Variants in EHBP1 observed in about 807,000 individuals in gnomAD.
EHBP1 encodes EH domain binding protein 1.
Under a neutral mutation model 144.0 loss-of-function variants are expected in EHBP1, and 55 were observed. That is an observed-to-expected ratio of 0.38 (90% CI 0.31 to 0.48). The LOEUF (loss-of-function observed/expected upper bound fraction) is 0.48, where lower values mean the gene tolerates loss of function less well. Among genes scored for constraint, EHBP1 ranks in the 20% least tolerant of loss-of-function variants. EHBP1 has a pLI of 0.98. For missense variants in EHBP1, 1,200 were observed against 1,364.2 expected, an observed-to-expected ratio of 0.88 and a Z score of 1.90; for synonymous variants, 469 against 472.7, an observed-to-expected ratio of 0.99 and a Z score of 0.10.
chr2:62,775,420 C>A (rs2041989146), intron 5 of EHBP1, among the ~76,000 whole-genome samples: 1 of 152,126 alleles, frequency 6.6e-6, no homozygotes, highest in East Asian at 1.9e-4. Flanking sequence ...TGTAAAACCT[C>A]GGTTTTGTTA....
intron 7 of EHBP1, among the ~76,000 whole-genome samples, chr2:62,856,171 A>G (rs1441868972): frequency 6.6e-6 from 1 of 152,202 alleles, no homozygotes; most frequent in Non-Finnish European, 1.5e-5. Flanking sequence ...GCCCCATTGA[A>G]TGGCAGGGTT....
At chr2:62,782,228 G>A (rs79745029) in intron 5 of EHBP1, among the ~76,000 whole-genome samples, 25 of 152,332 alleles carry the variant, frequency 1.6e-4, no homozygotes, top group African/African-American at 4.3e-4. Flanking sequence ...AGGGATACGC[G>A]TGTGAGACAA....
intron 7 of EHBP1, among the ~76,000 whole-genome samples, chr2:62,838,465 G>A (rs1218436353): frequency 2.0e-5 from 3 of 152,018 alleles, no homozygotes; most frequent in South Asian, 2.1e-4. Flanking sequence ...TCAAAAGCTA[G>A]CAGAAGGCAA....
intron 1 of EHBP1, among the ~76,000 whole-genome samples, chr2:62,692,902 G>A (rs2033955582): frequency 6.6e-6 from 1 of 151,876 alleles, no homozygotes; most frequent in Non-Finnish European, 1.5e-5. Flanking sequence ...TTTAATGGGT[G>A]TAAAAAATTA....
intron 2 of EHBP1, among the ~76,000 whole-genome samples, chr2:62,722,167 T>TTGCC (rs1429106669): frequency 1.3e-5 from 2 of 152,088 alleles, no homozygotes; most frequent in East Asian, 1.9e-4. Context: ...TCTCACTCTA[T>TTGCC]TGCCCATGCT....
intron 19 of EHBP1, among the ~76,000 whole-genome samples, chr2:63,025,769 A>C (rs777392754): frequency 3.3e-5 from 5 of 152,208 alleles, no homozygotes; most frequent in African/African-American, 4.8e-5. Context: ...TAAGTTGAGA[A>C]GAAATATGAA....
chr2:63,034,677 A>C (rs1437615684), intron 19 of EHBP1, among the ~76,000 whole-genome samples: 1 of 151,948 alleles, frequency 6.6e-6, no homozygotes, highest in Non-Finnish European at 1.5e-5. Flanking sequence ...AAGTAATTAA[A>C]TCAATCCTTT....
intron 5 of EHBP1, among the ~76,000 whole-genome samples, chr2:62,808,941 T>C (rs2044722336): frequency 6.6e-6 from 1 of 152,180 alleles, no homozygotes; most frequent in Admixed American, 6.5e-5. Context: ...TAGACTCTGA[T>C]AAAACCCCAG....
At chr2:62,863,676 CA>C (rs1335991158) in intron 8 of EHBP1, among the ~76,000 whole-genome samples, 1 of 151,870 alleles carries the variant, frequency 6.6e-6, no homozygotes, top group Non-Finnish European at 1.5e-5. Context: ...TTTGAGAAAA[CA>C]AGTTCAGTGG....
At chr2:62,705,045 G>A (rs1384071447), upstream of EHBP1, among the ~76,000 whole-genome samples, 1 of 152,174 alleles carries the variant, frequency 6.6e-6, no homozygotes, top group Non-Finnish European at 1.5e-5. Flanking sequence ...TTTGTGTCTA[G>A]CTCAGCTGAT....
intron 8 of EHBP1, among the ~76,000 whole-genome samples, chr2:62,860,222 G>T (rs1047839693): frequency 6.6e-6 from 1 of 152,180 alleles, no homozygotes; most frequent in Non-Finnish European, 1.5e-5. Flanking sequence ...GGGCACGGTG[G>T]CTCACGCCTG....
At chr2:62,841,456 A>G (rs1391012305) in intron 7 of EHBP1, among the ~76,000 whole-genome samples, 2 of 151,996 alleles carry the variant, frequency 1.3e-5, no homozygotes, top group Non-Finnish European at 2.9e-5. Context: ...TAACCTGCAC[A>G]ATGTGCACAT....
chr2:62,968,787 A>C (rs920025237), intron 14 of EHBP1, among the ~76,000 whole-genome samples: 1 of 152,230 alleles, frequency 6.6e-6, no homozygotes, highest in Non-Finnish European at 1.5e-5. Flanking sequence ...CTGTCATGAC[A>C]AATCTATCTC....
intron 10 of EHBP1, among the ~76,000 whole-genome samples, chr2:62,923,281 A>G (rs2055228342): frequency 6.6e-6 from 1 of 152,196 alleles, no homozygotes; most frequent in African/African-American, 2.4e-5. Context: ...ACTTCCAGCC[A>G]GAGGAACAGC....
At chr2:62,816,891 G>A (rs2045491232) in intron 5 of EHBP1, among the ~76,000 whole-genome samples, 1 of 152,026 alleles carries the variant, frequency 6.6e-6, no homozygotes. Flanking sequence ...ACACACCCAG[G>A]GTCCCTTCTA....
At chr2:62,932,327 T>A (rs1382636179) in intron 10 of EHBP1, among the ~76,000 whole-genome samples, 1 of 152,116 alleles carries the variant, frequency 6.6e-6, no homozygotes, top group African/African-American at 2.4e-5. Context: ...ATTCCAAATG[T>A]CCATTGATGA....
chr2:62,835,800 G>T (rs964570600), intron 7 of EHBP1, among the ~76,000 whole-genome samples: 2 of 152,134 alleles, frequency 1.3e-5, no homozygotes, highest in Non-Finnish European at 1.5e-5. Context: ...AAAAAACGGC[G>T]CACCACGAGA....
intron 2 of EHBP1, among the ~76,000 whole-genome samples, chr2:62,715,470 T>C (rs1357560816): frequency 1.3e-5 from 2 of 151,788 alleles, no homozygotes; most frequent in Admixed American, 6.6e-5. Context: ...TTTTTTGGTA[T>C]TTTAAAAATA....
At chr2:62,798,549 C>T (rs1482162737) in intron 5 of EHBP1, among the ~76,000 whole-genome samples, 3 of 152,060 alleles carry the variant, frequency 2.0e-5, no homozygotes, top group South Asian at 2.1e-4. Flanking sequence ...TGGCTTTTAC[C>T]TCAATTTACG....
Sources: gnomAD v4.1 joint callset for allele counts (sites outside exome capture counted in the v4.1 genomes callset) on GRCh38, gnomAD v4.1.1 for gene constraint, MANE v1.5 for transcripts, NCBI Gene and HGNC (gene_info 2026-07-23, HGNC 2026-07-21) for gene names.